The following SNX29 variants were observed in gnomAD, a reference collection of about 807,000 sequenced individuals.
SNX29 encodes sorting nexin 29.
Under a neutral mutation model 102.1 loss-of-function variants are expected in SNX29, and 78 were observed. The observed-to-expected ratio is 0.76, with a 90% CI of 0.64 to 0.92. The LOEUF (loss-of-function observed/expected upper bound fraction) is 0.92, where lower values mean the gene tolerates loss of function less well. Among genes scored for constraint, SNX29 ranks in the 40% least tolerant of loss-of-function variants. The pLI, the probability that SNX29 is intolerant of heterozygous loss-of-function variation, is 0.00. For synonymous variants in SNX29, 580 were observed against 414.5 expected (o/e 1.40, Z -4.85); for missense variants, 1,280 against 1,061.7 (o/e 1.21, Z -2.86).
intron 15 of SNX29, among the ~76,000 whole-genome samples, chr16:12,329,632 GT>G (rs1596938191): frequency 6.6e-6 from 1 of 152,078 alleles, no homozygotes. Flanking sequence ...AAACAGGAGT[GT>G]GTATTACCTT....
intron 4 of SNX29, among the ~76,000 whole-genome samples, chr16:12,033,756 A>G (rs2057403831): frequency 6.6e-6 from 1 of 151,968 alleles, no homozygotes; most frequent in South Asian, 2.1e-4. Flanking sequence ...ACAGGTGCAC[A>G]TCACCATGCC....
rs1375228073 is a variant in SNX29 at position 12,013,498 on chromosome 16, AAAATATATATATATATATAT to A, written c.122+10457_122+10476del. Among the ~76,000 whole-genome samples the A allele has an allele frequency of 3.6e-4, 12 of 33,508 alleles. 2 individuals carry two copies. Among genetic ancestry groups the A allele is most frequent in the East Asian group, 5.6e-3 (2 of 358 alleles). The allele number at this position is 33,508 out of a possible 152,430, so 22.0% of individuals were successfully genotyped here. ...CTGTCTCTACTGGGGGAAAAAAAAAAAAATATATATATATATATATATATATATATATATATATATATATC... is the reference window on the plus strand; with the variant it reads ...CTGTCTCTACTGGGGGAAAAAAAAAAATATATATATATATATATATATATC... On this transcript the variant is annotated intron_variant, in intron 3 of 20. Transcript: ENST00000566228.
Position 12,276,366 on chromosome 16 carries a change from G to T in SNX29, c.1679-1567G>T, listed in dbSNP as rs571041544. ...CCCAGGACTCAGGGCTTCTTTCTGCGTGTTTCCTGCTGTCACTCAGGGTCT... is the reference window on the plus strand; with the variant it reads ...CCCAGGACTCAGGGCTTCTTTCTGCTTGTTTCCTGCTGTCACTCAGGGTCT... On this transcript the variant is annotated intron_variant, in intron 14 of 20. Transcript: ENST00000566228. Among the ~76,000 whole-genome samples the T allele has an allele frequency of 1.0e-3, 152 of 152,246 alleles. 1 individual carries two copies. The highest frequency in any genetic ancestry group is 3.5e-3 in the African/African-American group (145 of 41,534).
Position 12,569,262 on chromosome 16 carries a change from C to T in SNX29, c.*633C>T, listed in dbSNP as rs550239866. The T allele has an allele frequency of 4.9e-5, 11 of 226,720 alleles. No individual in the cohort carries two copies. The highest frequency in any genetic ancestry group is 3.2e-4 in the East Asian group (5 of 15,732). The allele number at this position is 226,720 out of a possible 1,614,324, so 14.0% of individuals were successfully genotyped here. A position where few individuals can be genotyped will look rare whatever the true frequency, so the allele number is the denominator to read the frequency against. The stretch of plus-strand genomic sequence containing the variant: ...GCAAGGAGCCATTAGTGATGTGCAA[C>T]TTGAGTTCAGAGAACTTCCCCTACC... On this transcript the variant is annotated 3_prime_UTR_variant, in exon 21 of 21. Coordinates refer to ENST00000566228, the MANE Select transcript of SNX29 (RefSeq NM_032167.5).
Position 12,385,900 on chromosome 16 carries a change from G to A in SNX29, c.1900-12546G>A, listed in dbSNP as rs757742518. Among the ~76,000 whole-genome samples, 43 of 152,234 alleles carry A rather than the reference G, an allele frequency of 2.8e-4. 1 individual carries two copies. Among genetic ancestry groups the A allele is most frequent in the Admixed American group, 1.4e-3 (21 of 15,286 alleles). ...CGGGATGTGCAGCCTCCTGGGCTCA[G>A]GCCTCACCAGCTCCTGCACAGTGGT... On this transcript the variant is annotated intron_variant, in intron 16 of 20. Coordinates refer to ENST00000566228, the MANE Select transcript of SNX29 (RefSeq NM_032167.5).
At chr16:12,133,179 C>A (rs913152971) in intron 13 of SNX29, among the ~76,000 whole-genome samples, 1 of 151,668 alleles carries the variant, frequency 6.6e-6, no homozygotes, top group East Asian at 1.9e-4. Flanking sequence ...GGTCCAGGTG[C>A]CTGCCTTGTA....
chr16:12,540,763 C>T (rs1047249795), intron 20 of SNX29, among the ~76,000 whole-genome samples: 3 of 152,220 alleles, frequency 2.0e-5, no homozygotes, highest in African/African-American at 7.2e-5. Flanking sequence ...CTTACCGCCA[C>T]CTCCCCTAGA....
At chr16:12,013,168 A>T (rs537705812) in intron 3 of SNX29, among the ~76,000 whole-genome samples, 12 of 151,886 alleles carry the variant, frequency 7.9e-5, no homozygotes, top group Admixed American at 2.6e-4. Flanking sequence ...GTTGAGAAAT[A>T]ATGTCATGGC....
At chr16:12,336,837 G>T (rs1054685190) in intron 15 of SNX29, among the ~76,000 whole-genome samples, 4 of 152,060 alleles carry the variant, frequency 2.6e-5, no homozygotes, top group African/African-American at 9.7e-5. Flanking sequence ...TCCCAGCTAC[G>T]CAGAAGGCTA....
intron 13 of SNX29, among the ~76,000 whole-genome samples, chr16:12,188,865 C>T (rs1389008932): frequency 6.6e-6 from 1 of 152,210 alleles, no homozygotes; most frequent in African/African-American, 2.4e-5. Flanking sequence ...AGCCCTTGCC[C>T]TGTCTTATTA....
chr16:12,360,371 G>A (rs1324859348), intron 16 of SNX29, among the ~76,000 whole-genome samples: 2 of 152,162 alleles, frequency 1.3e-5, no homozygotes, highest in African/African-American at 4.8e-5. Flanking sequence ...TCCTTGAACT[G>A]TAGGTTTTCC....
intron 18 of SNX29, among the ~76,000 whole-genome samples, chr16:12,421,244 G>A (rs2084860210): frequency 6.6e-6 from 1 of 152,206 alleles, no homozygotes; most frequent in East Asian, 1.9e-4. Flanking sequence ...CTAAGAGTTA[G>A]AAGCCAAAAG....
In SNX29 at chr16:12,101,487, G is replaced by A. The variant is rs191450736; in HGVS notation, c.1402+22572G>A. 3.8e-3 allele frequency among the ~76,000 whole-genome samples: 575 copies of A among 151,722 alleles called. 9 individuals carry two copies. Among genetic ancestry groups the A allele is most frequent in the Non-Finnish European group, 1.7e-3 (114 of 67,916 alleles). On this transcript the variant is annotated intron_variant, in intron 11 of 20. Transcript: ENST00000566228. ...CAACCTCCACCTCCCGGGTTCAAGC[G>A]ATTTTCCTGCCTCAGCCTCCTGGGT...
intron 18 of SNX29, among the ~76,000 whole-genome samples, chr16:12,448,287 C>T (rs1292512236): frequency 1.3e-5 from 2 of 152,100 alleles, no homozygotes; most frequent in Non-Finnish European, 2.9e-5. Flanking sequence ...AGTGAACTTC[C>T]CTGAATCCCC....
chr16:12,208,495 T>C (rs2077102732), intron 14 of SNX29, among the ~76,000 whole-genome samples: 1 of 152,152 alleles, frequency 6.6e-6, no homozygotes, highest in African/African-American at 2.4e-5. Flanking sequence ...CTCTCAGATA[T>C]ACTGAGTCAC....
intron 13 of SNX29, among the ~76,000 whole-genome samples, chr16:12,188,229 A>C (rs2076560097): frequency 6.6e-6 from 1 of 152,156 alleles, no homozygotes; most frequent in African/African-American, 2.4e-5. Flanking sequence ...TTATACACAC[A>C]CATACTTATT....
chr16:12,123,739 C>A (rs1056431098), intron 11 of SNX29, among the ~76,000 whole-genome samples: 1 of 152,062 alleles, frequency 6.6e-6, no homozygotes, highest in African/African-American at 2.4e-5. Flanking sequence ...GAGAGTGGGG[C>A]ATGGAGGGAA....
chr16:12,044,579 C>T (rs369550647), intron 5 of SNX29, among the ~76,000 whole-genome samples: 1 of 152,056 alleles, frequency 6.6e-6, no homozygotes, highest in South Asian at 2.1e-4. Flanking sequence ...ACTCCTGTTT[C>T]TTTCTTTCCT....
chr16:12,317,907 G>A (rs980321234), intron 15 of SNX29, among the ~76,000 whole-genome samples: 1 of 152,232 alleles, frequency 6.6e-6, no homozygotes, highest in African/African-American at 2.4e-5. Flanking sequence ...ACCCGACTGA[G>A]AGCTGAAAGG....
Sources: gnomAD v4.1 joint callset for allele counts (sites outside exome capture counted in the v4.1 genomes callset) on GRCh38, gnomAD v4.1.1 for gene constraint, MANE v1.5 for transcripts, NCBI Gene and HGNC (gene_info 2026-07-23, HGNC 2026-07-21) for gene names.